ATG7: variants seen among roughly 807,000 people sequenced by gnomAD.
The protein encoded by ATG7 is autophagy related 7.
Under a neutral mutation model 82.4 loss-of-function variants are expected in ATG7, and 70 were observed. That is an observed-to-expected ratio of 0.85 (90% confidence interval 0.70 to 1.04). The LOEUF is 1.04. Among genes scored for constraint, ATG7 ranks in the 50% least tolerant of loss-of-function variants. The pLI, the probability that ATG7 is intolerant of heterozygous loss-of-function variation, is 0.00. For synonymous variants in ATG7, 287 were observed against 313.0 expected, an observed-to-expected ratio of 0.92 and a Z score of 0.88; for missense variants, 792 against 864.3, an observed-to-expected ratio of 0.92 and a Z score of 1.05.
chr3:11,410,066 A>G (rs2080751900), intron 19 of ATG7, among the ~76,000 whole-genome samples: 1 of 151,898 alleles, frequency 6.6e-6, no homozygotes, highest in African/African-American at 2.4e-5. Flanking sequence ...CCTCCCTACA[A>G]AAACTTTACA....
At chr3:11,309,460 T>TG (rs112033889) in intron 7 of ATG7, among the ~76,000 whole-genome samples, 9,896 of 151,754 alleles carry the variant, frequency 0.065, 624 homozygotes, top group African/African-American at 0.15. Flanking sequence ...GATTTTTTTT[T>TG]TTTGTTTTTT....
chr3:11,284,633 C>T (rs1229178079), intron 3 of ATG7, among the ~76,000 whole-genome samples: 1 of 149,570 alleles, frequency 6.7e-6, no homozygotes, highest in Non-Finnish European at 1.5e-5. Flanking sequence ...CTCACTGCAG[C>T]TTGGATTGCC....
At chr3:11,363,091 AG>A in intron 17 of ATG7, 163 bp downstream of exon 17, 1 of 608,608 alleles carries the variant, frequency 1.6e-6, no homozygotes, top group East Asian at 2.9e-5. Flanking sequence ...CTTTGGGCTG[AG>A]ATAACTTGGC....
intron 8 of ATG7, 69 bp downstream of exon 8, chr3:11,313,489 C>G: frequency 8.6e-7 from 1 of 1,165,878 alleles, no homozygotes; most frequent in East Asian, 2.5e-5. Context: ...GTAGTTCTTT[C>G]CAAAGACAAA....
intron 16 of ATG7, 107 bp from the exon 17 acceptor site, chr3:11,362,706 C>A: frequency 1.3e-6 from 1 of 799,064 alleles, no homozygotes; most frequent in Non-Finnish European, 2.0e-6. Context: ...CAACAATGAG[C>A]ATCTGGTTAT....
chr3:11,350,294 C>G (rs1159831398), intron 14 of ATG7, among the ~76,000 whole-genome samples: 1 of 152,128 alleles, frequency 6.6e-6, no homozygotes, highest in African/African-American at 2.4e-5. Context: ...ACGTTGCAAC[C>G]CTGTCATTGA....
At chr3:11,552,963 G>C (rs75486088) in intron 20 of ATG7, among the ~76,000 whole-genome samples, 2 of 152,130 alleles carry the variant, frequency 1.3e-5, no homozygotes, top group Non-Finnish European at 2.9e-5. Flanking sequence ...GCCCAGGCCC[G>C]AGTCCTCTTA....
chr3:11,453,747 G>A (rs1056004837), intron 20 of ATG7, among the ~76,000 whole-genome samples: 3 of 152,008 alleles, frequency 2.0e-5, no homozygotes, highest in East Asian at 1.9e-4. Flanking sequence ...GCCATCCTGC[G>A]TCTGCCTGCA....
chr3:11,486,303 A>G (rs888733649), intron 20 of ATG7, among the ~76,000 whole-genome samples: 11 of 152,162 alleles, frequency 7.2e-5, no homozygotes, highest in South Asian at 2.1e-4. Flanking sequence ...CTTTGAAGCA[A>G]TTGTGAATGG....
intron 3 of ATG7, among the ~76,000 whole-genome samples, chr3:11,285,372 C>T (rs2152655284): frequency 6.6e-6 from 1 of 151,144 alleles, no homozygotes; most frequent in South Asian, 2.1e-4. Flanking sequence ...GATGGGGGCC[C>T]ACCGTGTTGC....
At chr3:11,558,538 T>C (rs200385499), downstream of ATG7, 169 of 1,586,366 alleles carry the variant, frequency 1.1e-4, no homozygotes, top group Non-Finnish European at 1.3e-4. Context: ...CCACGTGTTG[T>C]TGGAGGAGGC....
At chr3:11,328,338 C>T (rs1325989475) in intron 9 of ATG7, among the ~76,000 whole-genome samples, 1 of 152,110 alleles carries the variant, frequency 6.6e-6, no homozygotes, top group Non-Finnish European at 1.5e-5. Flanking sequence ...GACTACTCAG[C>T]GTAGTAAGCT....
At chr3:11,413,906 G>A (rs2081142769) in intron 19 of ATG7, among the ~76,000 whole-genome samples, 1 of 152,090 alleles carries the variant, frequency 6.6e-6, no homozygotes, top group Non-Finnish European at 1.5e-5. Flanking sequence ...TCTCCTTATT[G>A]GTTATAGGTC....
intron 20 of ATG7, among the ~76,000 whole-genome samples, chr3:11,478,244 A>G (rs1215448128): frequency 6.6e-6 from 1 of 152,258 alleles, no homozygotes; most frequent in Non-Finnish European, 1.5e-5. Context: ...AAACTTAAAA[A>G]AAATTATTTA....
At chr3:11,351,474 A>G (rs2075539362) in intron 14 of ATG7, among the ~76,000 whole-genome samples, 1 of 152,212 alleles carries the variant, frequency 6.6e-6, no homozygotes, top group African/African-American at 2.4e-5. Flanking sequence ...AAAGAAAACC[A>G]GGGTGGCTGC....
At chr3:11,394,533 C>T (rs1446840035) in intron 19 of ATG7, among the ~76,000 whole-genome samples, 2 of 152,132 alleles carry the variant, frequency 1.3e-5, no homozygotes, top group African/African-American at 4.8e-5. Flanking sequence ...AGAGCGTGAG[C>T]CACACCTTTA....
the ATG7 span, among the ~76,000 whole-genome samples, chr3:11,571,409 T>G: frequency 3.6e-4 from 55 of 152,296 alleles, no homozygotes; most frequent in South Asian, 8.3e-4. Context: ...AGGGGCCAGG[T>G]GCAGTGACTC....
intron 20 of ATG7, among the ~76,000 whole-genome samples, chr3:11,460,056 C>G (rs764014466): frequency 1.3e-5 from 2 of 152,174 alleles, no homozygotes; most frequent in Admixed American, 1.3e-4. Flanking sequence ...TCTGGGTGAT[C>G]TCAGGAAAGA....
rs1036666623 is a variant in ATG7, at chr3:11,555,041, G to A, written c.*198G>A. The A allele has an allele frequency of 4.4e-5, 28 of 629,626 alleles. No homozygotes were observed. The East Asian group carries it at 7.7e-4, about 17-fold the overall frequency. The allele number at this position is 629,626 out of a possible 1,614,324, so 39.0% of individuals were successfully genotyped here. On this transcript the variant is annotated 3_prime_UTR_variant, in exon 21 of 21. Coordinates refer to ENST00000693202, the MANE Select transcript of ATG7 (RefSeq NM_001349232.2). The stretch of plus-strand genomic sequence containing the variant: ...GGATTCAAGATACCACCAGTTCAGA[G>A]CTAAATAATAACCTTGGCCTTGGCC...
Sources: allele counts gnomAD v4.1 joint callset (sites outside exome capture counted in the v4.1 genomes callset), GRCh38; gene constraint gnomAD v4.1.1; transcripts MANE v1.5; gene names NCBI Gene and HGNC (gene_info 2026-07-23, HGNC 2026-07-21).